GLIS3: variants seen among roughly 807,000 people sequenced by gnomAD.
GLIS3 encodes GLIS family zinc finger 3.
A neutral mutation model predicts 78.6 loss-of-function variants in GLIS3; 53 were observed. The ratio of observed to expected loss-of-function variants is 0.67; its 90% CI spans 0.54 to 0.85. The LOEUF is 0.85. Ranked by LOEUF, GLIS3 falls within the 40% of genes least tolerant of loss-of-function variation. The pLI is 0.00. For missense variants in GLIS3, 1,703 were observed against 1,231.1 expected, an observed-to-expected ratio of 1.38 and a Z score of -5.74; for synonymous variants, 684 against 509.9, an observed-to-expected ratio of 1.34 and a Z score of -4.60.
At chr9:4,062,627 A>G (rs936140827) in intron 4 of GLIS3, among the ~76,000 whole-genome samples, 5 of 152,206 alleles carry the variant, frequency 3.3e-5, no homozygotes, top group African/African-American at 1.2e-4. Flanking sequence ...ATGAAATAGC[A>G]TATGTAAGAA....
chr9:4,158,701 T>C (rs1252761960), intron 2 of GLIS3, among the ~76,000 whole-genome samples: 1 of 152,176 alleles, frequency 6.6e-6, no homozygotes, highest in Non-Finnish European at 1.5e-5. Context: ...GATACAATGG[T>C]AAATAAGACA....
At chr9:4,134,676 C>A (rs896530771) in intron 2 of GLIS3, among the ~76,000 whole-genome samples, 1 of 152,062 alleles carries the variant, frequency 6.6e-6, no homozygotes, top group African/African-American at 2.4e-5. Context: ...GCAAATTGAG[C>A]CATAATGGGG....
At chr9:3,828,702 G>A (rs953713561) in intron 10 of GLIS3, among the ~76,000 whole-genome samples, 1 of 152,218 alleles carries the variant, frequency 6.6e-6, no homozygotes, top group Non-Finnish European at 1.5e-5. Flanking sequence ...TGTTAAGGTT[G>A]AGTCATGAAA....
intron 4 of GLIS3, among the ~76,000 whole-genome samples, chr9:4,101,635 T>G (rs1830379735): frequency 6.6e-6 from 1 of 152,234 alleles, no homozygotes; most frequent in Non-Finnish European, 1.5e-5. Flanking sequence ...ACCTACTATA[T>G]TCCTGATTAA....
intron 2 of GLIS3, among the ~76,000 whole-genome samples, chr9:4,279,025 G>A (rs1265932618): frequency 7.9e-5 from 12 of 152,130 alleles, no homozygotes; most frequent in African/African-American, 2.9e-4. Flanking sequence ...AGCGTGGCTG[G>A]GCACGGTGGC....
At chr9:4,258,106 T>G (rs1825154086) in intron 2 of GLIS3, among the ~76,000 whole-genome samples, 1 of 152,156 alleles carries the variant, frequency 6.6e-6, no homozygotes, top group Non-Finnish European at 1.5e-5. Context: ...AGGGCTAGGG[T>G]TAATTTTATT....
At chr9:3,873,473 GATC>G in intron 8 of GLIS3, among the ~76,000 whole-genome samples, 1 of 152,222 alleles carries the variant, frequency 6.6e-6, no homozygotes. Context: ...AAAACCATAT[GATC>G]ATCAGTTAAA....
chr9:4,085,534 C>A (rs1156912550), intron 4 of GLIS3, among the ~76,000 whole-genome samples: 4 of 152,138 alleles, frequency 2.6e-5, no homozygotes, highest in Non-Finnish European at 5.9e-5. Flanking sequence ...CCTTTCTCCC[C>A]TGCCCATTCT....
chr9:4,204,331 G>C (rs77878121), intron 2 of GLIS3, among the ~76,000 whole-genome samples: 4,630 of 152,196 alleles, frequency 0.03, 81 homozygotes, highest in East Asian at 0.072. Flanking sequence ...TTTGGTTTTT[G>C]TACATATAAC....
At position 3,930,593 on chromosome 9, in the gene GLIS3, CCT is replaced by C. The variant is rs767672911; in HGVS notation, c.1983+1765_1983+1766del. Among the ~76,000 whole-genome samples the C allele has an allele frequency of 1.2e-4, 18 of 152,210 alleles. No individual in the cohort carries two copies. The South Asian group carries it at 1.2e-3, about 11-fold the overall frequency. ...CCATTAATAATTCCTGAAAATATCC[CCT>C]GTTATGTTTCCAAATCTGTCATCCT... On this transcript the variant is annotated intron_variant, in intron 6 of 10. Coordinates refer to ENST00000381971, the MANE Select transcript of GLIS3 (RefSeq NM_001042413.2).
At chr9:3,894,156 T>G (rs534272185) in intron 7 of GLIS3, among the ~76,000 whole-genome samples, 1 of 152,368 alleles carries the variant, frequency 6.6e-6, no homozygotes, top group Non-Finnish European at 1.5e-5. Context: ...TGCTGCTTTT[T>G]CACCTTTGTG....
chr9:4,374,094 A>C, the GLIS3 span, among the ~76,000 whole-genome samples: 7 of 152,314 alleles, frequency 4.6e-5, 1 homozygote, highest in South Asian at 8.3e-4. Context: ...GGATACACGA[A>C]ATCTGTCCAC....
chr9:4,483,383 G>A, the GLIS3 span, among the ~76,000 whole-genome samples: 8 of 152,228 alleles, frequency 5.3e-5, no homozygotes, highest in East Asian at 5.8e-4. Flanking sequence ...CATGTAACTC[G>A]GCTAGTTTTT....
rs1316262998 is a variant in GLIS3 at position 4,160,097 on chromosome 9, T to C, written c.389-34156A>G. ...GATGAGGAGACAGAGGAAAAGGAGATAGCCTGCTAGAAATACTTTCCACTC... is the reference window on the plus strand; with the variant it reads ...GATGAGGAGACAGAGGAAAAGGAGACAGCCTGCTAGAAATACTTTCCACTC... On this transcript the variant is annotated intron_variant, in intron 2 of 10. Coordinates refer to ENST00000381971, the MANE Select transcript of GLIS3 (RefSeq NM_001042413.2). Among the ~76,000 whole-genome samples, 5 of 152,356 alleles carry C rather than the reference T, an allele frequency of 3.3e-5. No individual in the cohort carries two copies. In the South Asian group the frequency reaches 8.3e-4, roughly 25 times the overall value.
In GLIS3 at chr9:4,088,309, C is replaced by T. The variant is rs143555940; in HGVS notation, c.1710+29459G>A. The stretch of plus-strand genomic sequence containing the variant: ...TACCTTTGCAGTCCTGTGGGTCTAG[C>T]CCAATCCTTGGCATAAAACATATGC... On this transcript the variant is annotated intron_variant, in intron 4 of 10. Transcript: ENST00000381971. Among the ~76,000 whole-genome samples the T allele has an allele frequency of 8.5e-5, 13 of 152,294 alleles. No individual in the cohort carries two copies. The East Asian group carries it at 1.9e-3, about 23-fold the overall frequency.
intron 4 of GLIS3, among the ~76,000 whole-genome samples, chr9:4,064,360 A>C (rs1826913104): frequency 6.6e-6 from 1 of 152,202 alleles, no homozygotes; most frequent in Non-Finnish European, 1.5e-5. Flanking sequence ...CAAATCATAG[A>C]AGTTATTGAT....
intron 4 of GLIS3, among the ~76,000 whole-genome samples, chr9:4,034,006 G>C (rs1824098147): frequency 6.6e-6 from 1 of 151,396 alleles, no homozygotes; most frequent in Non-Finnish European, 1.5e-5. Context: ...AGGATTCCTT[G>C]AGCCTAGGAA....
intron 4 of GLIS3, among the ~76,000 whole-genome samples, chr9:4,076,877 C>G (rs1012015906): frequency 6.6e-6 from 1 of 152,114 alleles, no homozygotes; most frequent in Admixed American, 6.5e-5. Flanking sequence ...GGCAACATGG[C>G]AAAACCCTGT....
At chr9:4,001,601 G>C (rs1165885084) in intron 4 of GLIS3, among the ~76,000 whole-genome samples, 1 of 151,984 alleles carries the variant, frequency 6.6e-6, no homozygotes, top group Admixed American at 6.6e-5. Context: ...TCTTTAAAAG[G>C]AAAAAAATTC....
Sources: gnomAD v4.1 joint callset for allele counts (sites outside exome capture counted in the v4.1 genomes callset) on GRCh38, gnomAD v4.1.1 for gene constraint, MANE v1.5 for transcripts, NCBI Gene and HGNC (gene_info 2026-07-23, HGNC 2026-07-21) for gene names.